Variants in PEX1 observed in about 807,000 individuals in gnomAD.
PEX1 encodes peroxisomal ATPase PEX1.
PEX1 carries 97 observed loss-of-function variants against 152.5 expected under a neutral mutation model. The observed-to-expected ratio is 0.64, with a 90% CI of 0.54 to 0.75. The LOEUF is 0.75. Among genes scored for constraint, PEX1 ranks in the 30% least tolerant of loss-of-function variants. The pLI is 0.00. For synonymous variants in PEX1, 485 were observed against 531.6 expected, an observed-to-expected ratio of 0.91 and a Z score of 1.21; for missense variants, 1,357 against 1,516.3, an observed-to-expected ratio of 0.89 and a Z score of 1.74.
chr7:92,506,841 T>C, intron 10 of PEX1, 153 bp downstream of exon 10: 1 of 731,356 alleles, frequency 1.4e-6, no homozygotes, highest in Admixed American at 2.3e-5. Context: ...ACAGAAATAT[T>C]AGTGAATAAA....
chr7:92,510,802 T>C, intron 8 of PEX1, 142 bp downstream of exon 8: 1 of 561,754 alleles, frequency 1.8e-6, no homozygotes, highest in Non-Finnish European at 3.2e-6. Flanking sequence ...CAGAATAAAA[T>C]ATTTTAAATC....
chr7:92,521,261 C>T (rs1793036991), intron 2 of PEX1, among the ~76,000 whole-genome samples: 1 of 152,154 alleles, frequency 6.6e-6, no homozygotes, highest in South Asian at 2.1e-4. Context: ...CCATTGAGCC[C>T]AGCCTCACAT....
At chr7:92,516,050 AGAGAAAAAAG>A (rs1399490507) in intron 5 of PEX1, among the ~76,000 whole-genome samples, 1,289 of 90,004 alleles carry the variant, frequency 0.014, 7 homozygotes, top group Non-Finnish European at 0.017. Flanking sequence ...AGAGAAGAGA[AGAGAAAAAAG>A]AAAAGAAAAG....
rs768204146 is a variant in PEX1 at position 92,511,671 on chromosome 7, A to G, written c.1392T>C (p.Thr464=). The change falls in exon 7 of 24, where the codon ACT becomes ACC. Residue 464 remains threonine, a synonymous_variant. Transcript: ENST00000248633. ...ACTGCTGTAGCCATGAATAAAATACAGTTTTTATGTCTTCTTCACTTATGT... is the reference window on the plus strand; with the variant it reads ...ACTGCTGTAGCCATGAATAAAATACGGTTTTTATGTCTTCTTCACTTATGT... ...PKDISEEDIK[T]VFYSWLQQST... is the part of the protein sequence containing the mutation. 2 of 1,611,442 alleles carry G rather than the reference A, an allele frequency of 1.2e-6. No individual in the cohort carries two copies. The highest frequency in any genetic ancestry group is 4.5e-5 in the East Asian group (2 of 44,824).
At chr7:92,502,428 C>G (rs1012567511) in intron 13 of PEX1, among the ~76,000 whole-genome samples, 6 of 152,082 alleles carry the variant, frequency 3.9e-5, no homozygotes, top group African/African-American at 1.4e-4. Flanking sequence ...CAATAAGAAG[C>G]ATTTTTAGTA....
intron 12 of PEX1, among the ~76,000 whole-genome samples, chr7:92,503,948 A>G (rs1002918407): frequency 7.9e-5 from 12 of 152,010 alleles, no homozygotes; most frequent in Non-Finnish European, 1.8e-4. Context: ...CTTGCACTCT[A>G]AGCTCCAGTC....
At chr7:92,489,637 C>G in intron 22 of PEX1, 77 bp downstream of exon 22, 1 of 1,352,488 alleles carries the variant, frequency 7.4e-7, no homozygotes, top group Non-Finnish European at 1.1e-6. Context: ...GTTTATAAGT[C>G]AAAGAAATAT....
intron 5 of PEX1, 45 bp from the exon 6 acceptor site, chr7:92,514,012 G>A (rs377132700): frequency 2.7e-5 from 34 of 1,265,536 alleles, no homozygotes; most frequent in Non-Finnish European, 3.7e-5. Context: ...TTCAAAGCTT[G>A]GTTAAGAAAT....
At chr7:92,500,229 ATAG>A (rs1393071157) in intron 15 of PEX1, among the ~76,000 whole-genome samples, 1 of 152,226 alleles carries the variant, frequency 6.6e-6, no homozygotes, top group Non-Finnish European at 1.5e-5. Flanking sequence ...TCAATCAAAG[ATAG>A]TAAAATATCC....
At chr7:92,514,004 C>A in intron 5 of PEX1, 37 bp from the exon 6 acceptor site, 1 of 1,319,396 alleles carries the variant, frequency 7.6e-7, no homozygotes, top group South Asian at 1.3e-5. Context: ...TAAATATATT[C>A]AAAGCTTGGT....
At chr7:92,502,787 TTC>T (rs1192389013) in intron 13 of PEX1, among the ~76,000 whole-genome samples, 1 of 152,224 alleles carries the variant, frequency 6.6e-6, no homozygotes, top group Non-Finnish European at 1.5e-5. Flanking sequence ...ATCTATCTAT[TTC>T]TCTCTGTTCT....
rs547203417 is a variant in PEX1 at position 92,493,092 on chromosome 7, G to C, written c.3068C>G (p.Ser1023Cys). 5.0e-6 allele frequency: 8 copies of C among 1,612,034 alleles called. No individual in the cohort carries two copies. In the Admixed American group the frequency reaches 8.3e-5, roughly 17 times the overall value. ...GTCAACATCATCTGCCAGAGGTAGAGAGTCACTGAGGACATTTAAAATTTC... is the reference window on the plus strand; with the variant it reads ...GTCAACATCATCTGCCAGAGGTAGACAGTCACTGAGGACATTTAAAATTTC... ...RLEILNVLSD[S>C]LPLADDVDLQ... is the part of the protein sequence containing the mutation. The change falls in exon 20 of 24, where the codon TCT (serine) becomes TGT (cysteine). Residue 1023 changes from serine to cysteine, a missense_variant. Physicochemically the swap from Ser to Cys is moderately radical, Grantham distance 112 (BLOSUM62 -1). Transcript: ENST00000248633.
Position 92,501,580 on chromosome 7 carries a change from A to G in PEX1, c.2510T>C (p.Leu837Pro). ...TAACCCACCAATCTTGTCCCAACCC[A>G]GGTCTCTAGGTTTATGCAGGTTGAC... Reference protein sequence around the residue: ...RSVNLHKPRDLGWDKIGGLHE... With the variant: ...RSVNLHKPRDPGWDKIGGLHE... The change falls in exon 15 of 24, where the codon CTG becomes CCG. Residue 837 changes from leucine (L) to proline (P), a missense_variant. Transcript: ENST00000248633. The G allele has an allele frequency of 6.2e-7, 1 of 1,613,904 alleles. No homozygotes were observed. The highest frequency in any genetic ancestry group is 8.5e-7 in the Non-Finnish European group (1 of 1,179,796).
Position 92,510,995 on chromosome 7 carries a change from A to G in PEX1, c.1536T>C (p.Asp512=). ...TGGGACTCAACAGAAAAATATTTTTATCTTTTTCTTTTTCCCAAGAATGAA... is the reference window on the plus strand; with the variant it reads ...TGGGACTCAACAGAAAAATATTTTTGTCTTTTTCTTTTTCCCAAGAATGAA... ...SIVHSWEKEK[D]KNIFLLSPNL... Residue 512 remains aspartate (D), a synonymous_variant, in exon 8 of 24, where the codon GAT becomes GAC. Transcript: ENST00000248633. The G allele has an allele frequency of 6.3e-7, 1 of 1,586,748 alleles. No individual in the cohort carries two copies. The highest frequency in any genetic ancestry group is 8.7e-7 in the Non-Finnish European group (1 of 1,155,830).
chr7:92,492,795 T>A (rs1318203068), intron 20 of PEX1, among the ~76,000 whole-genome samples, 158 bp downstream of exon 20: 1 of 152,224 alleles, frequency 6.6e-6, no homozygotes, highest in African/African-American at 2.4e-5. Context: ...GCAAAACCCA[T>A]ATTCCAACTA....
In PEX1 at chr7:92,513,960, T is replaced by C. The variant is rs1346506975; in HGVS notation, c.1247A>G (p.Asp416Gly). Residue 416 changes from aspartate to glycine, a missense_variant, in exon 6 of 24, where the codon GAT (aspartate) becomes GGT (glycine). Asp to Gly is a moderately conservative substitution (Grantham distance 94). Coordinates refer to ENST00000248633, the MANE Select transcript of PEX1 (RefSeq NM_000466.3). ...TATATTTAGTCTCTTCCTCAGGTCA[T>C]CTGGAATCTGAAATTTAAAAATAAA... is the stretch of plus-strand genomic sequence containing the variant. ...VLHLGKVWIP[D>G]DLRKRLNIEM... is the part of the protein sequence containing the mutation. 3 of 1,566,968 alleles carry C rather than the reference T, an allele frequency of 1.9e-6. No homozygotes were observed. Among genetic ancestry groups the C allele is most frequent in the Non-Finnish European group, 2.6e-6 (3 of 1,142,640 alleles).
intron 2 of PEX1, among the ~76,000 whole-genome samples, chr7:92,520,456 A>G (rs1391694945): frequency 6.6e-6 from 1 of 152,228 alleles, no homozygotes; most frequent in Non-Finnish European, 1.5e-5. Flanking sequence ...TGTGCTCAAA[A>G]CAAGTTAAAA....
chr7:92,521,144 T>C (rs1267413368), intron 2 of PEX1, among the ~76,000 whole-genome samples: 1 of 151,530 alleles, frequency 6.6e-6, no homozygotes, highest in African/African-American at 2.4e-5. Context: ...AATTTTTTTA[T>C]AGAGATAGGG....
rs1236158153 is a variant in PEX1, at chr7:92,523,024, T to C, written c.130-779A>G. ...TTTTAAAAAAGCAAAATATAACATT[T>C]ATTCTCATTAAAAAAGCAATTACAT... is the stretch of plus-strand genomic sequence containing the variant. On this transcript the variant is annotated intron_variant, in intron 1 of 23. Transcript: ENST00000248633. Among the ~76,000 whole-genome samples the C allele has an allele frequency of 6.6e-5, 10 of 152,216 alleles. No homozygotes were observed. In the East Asian group the frequency reaches 1.5e-3, roughly 23 times the overall value.
Sources: gnomAD v4.1 joint callset for allele counts (sites outside exome capture counted in the v4.1 genomes callset) on GRCh38, gnomAD v4.1.1 for gene constraint, MANE v1.5 for transcripts, NCBI Gene and HGNC (gene_info 2026-07-23, HGNC 2026-07-21) for gene names.